Variants in LHX6 observed in about 807,000 individuals in gnomAD.
LHX6 encodes LIM/homeobox protein Lhx6.
In LHX6, 15 loss-of-function variants were observed where a neutral mutation model predicts 47.1. The observed-to-expected ratio is 0.32, with a 90% CI of 0.21 to 0.49. The LOEUF is 0.49. Ranked by LOEUF, LHX6 falls within the 20% of genes least tolerant of loss-of-function variation. The probability of loss-of-function intolerance (pLI) is 0.99; values close to 1 mark genes in which losing one functional copy is unlikely to be tolerated. For missense variants in LHX6, 404 were observed against 539.6 expected, an observed-to-expected ratio of 0.75 and a Z score of 2.49; for synonymous variants, 242 against 233.5, an observed-to-expected ratio of 1.04 and a Z score of -0.33.
In LHX6 at chr9:122,226,534, G is replaced by C. The variant is rs780236857; in HGVS notation, c.340-37C>G. On this transcript the variant is annotated intron_variant, in intron 3 of 9. Coordinates refer to ENST00000394319, the MANE Select transcript of LHX6 (RefSeq NM_014368.5). This position sits in a 1 kb window ranked among gnomAD's most constrained non-coding sequence, Gnocchi z 6.5. ...GCGGGGACGGAGGTCGGCTCAGCGC[G>C]GGCCTCTTTCACTCCGGGCCCCAGC... is the stretch of plus-strand genomic sequence containing the variant. The C allele has an allele frequency of 3.1e-6, 5 of 1,600,368 alleles. No individual in the cohort carries two copies. In the South Asian group the frequency reaches 3.4e-5, roughly 11 times the overall value.
intron 9 of LHX6, among the ~76,000 whole-genome samples, chr9:122,207,198 T>C (rs772973554): frequency 6.6e-6 from 1 of 152,306 alleles, no homozygotes; most frequent in South Asian, 2.1e-4. Context: ...CATGCTCACA[T>C]TGTGATTCTG....
chr9:122,223,243 C>T (rs1433689186), intron 4 of LHX6, among the ~76,000 whole-genome samples: 1 of 152,208 alleles, frequency 6.6e-6, no homozygotes, highest in Non-Finnish European at 1.5e-5. Context: ...CAATTCTACC[C>T]TCAACCCAGG....
intron 9 of LHX6, among the ~76,000 whole-genome samples, chr9:122,205,453 C>T (rs1417387930): frequency 6.6e-6 from 1 of 152,224 alleles, no homozygotes; most frequent in Non-Finnish European, 1.5e-5. Flanking sequence ...CCTCCCACTC[C>T]CACCTCTAGC....
Position 122,217,398 on chromosome 9 carries a change from C to G in LHX6, c.462-110G>C. On this transcript the variant is annotated intron_variant, in intron 4 of 9. Transcript: ENST00000394319. This position sits in a 1 kb window ranked among gnomAD's most constrained non-coding sequence, Gnocchi z 4.9. The stretch of plus-strand genomic sequence containing the variant: ...CCCAGGCTCCTGGCCTCTAAGTCTT[C>G]AACTCAGGCATTAGCCTTAGCTTGG... The G allele has an allele frequency of 1.3e-6, 1 of 798,682 alleles. No individual in the cohort carries two copies. The highest frequency in any genetic ancestry group is 2.0e-6 in the Non-Finnish European group (1 of 501,742). The allele number at this position is 798,682 out of a possible 1,614,324, so 49.5% of individuals were successfully genotyped here. A position where few individuals can be genotyped will look rare whatever the true frequency, so the allele number is the denominator to read the frequency against.
chr9:122,219,264 C>A (rs1830723866), intron 4 of LHX6, among the ~76,000 whole-genome samples: 1 of 152,234 alleles, frequency 6.6e-6, no homozygotes, highest in Non-Finnish European at 1.5e-5. Flanking sequence ...CAACGAGGAG[C>A]GCGACAGGAC....
rs1281890355 is a variant in LHX6 at position 122,226,333 on chromosome 9, G to A, written c.461+43C>T. On this transcript the variant is annotated intron_variant, in intron 4 of 9. Transcript: ENST00000394319. This position sits in a 1 kb window ranked among gnomAD's most constrained non-coding sequence, Gnocchi z 6.5. ...AAAGTGGCCTCCGAATGCGCCCGGGGCCTGCCCTCGGCGACACTGCTGGCT... is the reference window on the plus strand; with the variant it reads ...AAAGTGGCCTCCGAATGCGCCCGGGACCTGCCCTCGGCGACACTGCTGGCT... The A allele has an allele frequency of 8.8e-6, 14 of 1,586,994 alleles. No homozygotes were observed. The highest frequency in any genetic ancestry group is 2.3e-5 in the East Asian group (1 of 44,284).
chr9:122,206,721 C>T (rs754896796), intron 9 of LHX6, among the ~76,000 whole-genome samples: 1 of 152,162 alleles, frequency 6.6e-6, no homozygotes, highest in Non-Finnish European at 1.5e-5. Context: ...TGAGCCCAGC[C>T]CTCTGTACCT....
intron 2 of LHX6, 136 bp from the exon 3 acceptor site, chr9:122,227,166 A>G (rs758505784): frequency 3.2e-5 from 28 of 884,016 alleles, no homozygotes; most frequent in Admixed American, 9.5e-5. Context: ...AGACTGAAGG[A>G]CAGGGATGGA....
At chr9:122,227,763 G>C in intron 1 of LHX6, 1 of 489,966 alleles carries the variant, frequency 2.0e-6, no homozygotes, top group Admixed American at 4.1e-5. Context: ...AGCCTCTGAG[G>C]GGGGAAGAAA....
intron 4 of LHX6, among the ~76,000 whole-genome samples, chr9:122,224,217 G>T (rs531665053): frequency 6.6e-6 from 1 of 152,126 alleles, no homozygotes; most frequent in East Asian, 1.9e-4. Context: ...TAGTAGAGAT[G>T]GGTTTCACCA....
intron 4 of LHX6, among the ~76,000 whole-genome samples, chr9:122,224,974 C>G (rs762400691): frequency 6.6e-6 from 1 of 152,180 alleles, no homozygotes; most frequent in Non-Finnish European, 1.5e-5. Context: ...CTTCTACATC[C>G]ATCCCATAAA....
At chr9:122,228,493 C>T in intron 1 of LHX6, 164 bp downstream of exon 1, 2 of 1,338,002 alleles carry the variant, frequency 1.5e-6, no homozygotes, top group Non-Finnish European at 1.9e-6. Context: ...GCGACCCCCC[C>T]CCCCCGCTCG....
rs1474458901 is a variant in LHX6, at chr9:122,213,618, C to G, written c.1042G>C (p.Gly348Arg). 3 of 1,599,642 alleles carry G rather than the reference C, an allele frequency of 1.9e-6. No homozygotes were observed. Among genetic ancestry groups the G allele is most frequent in the East Asian group, 2.2e-5 (1 of 44,662 alleles). ...PERARMVTLH[G>R]YIESQVQCGQ... ...TGCGGTTACTTACTCTCAATGTAGC[C>G]GTGCAGGGTGACCATGCGCGCCCGC... The change falls in exon 8 of 10, where the codon GGC becomes CGC. Residue 348 changes from glycine to arginine, a missense_variant. Around this residue, in one of 7 missense-constraint regions of LHX6, gnomAD observed 127 missense variants for 116.1 expected, o/e 1.09. Transcript: ENST00000394319. This position sits in a 1 kb window ranked among gnomAD's most constrained non-coding sequence, Gnocchi z 5.5.
chr9:122,211,679 A>G (rs1830402692), intron 8 of LHX6, among the ~76,000 whole-genome samples: 1 of 152,226 alleles, frequency 6.6e-6, no homozygotes, highest in South Asian at 2.1e-4. Flanking sequence ...TTCCACCACA[A>G]GGGTAAGAGG....
Position 122,204,647 on chromosome 9 carries a change from C to T in LHX6, c.*113G>A, listed in dbSNP as rs996536800. On this transcript the variant is annotated 3_prime_UTR_variant, in exon 10 of 10. Transcript: ENST00000394319. ...ACCTGGTGGTGGGCAGGATGGCGGA[C>T]GGGGGTGGATGCGGAGGTGGGTGGA... 36 of 1,309,338 alleles carry T rather than the reference C, an allele frequency of 2.7e-5. No individual in the cohort carries two copies. The highest frequency in any genetic ancestry group is 4.4e-5 in the African/African-American group (3 of 67,940). The allele number at this position is 1,309,338 out of a possible 1,614,324, so 81.1% of individuals were successfully genotyped here.
intron 9 of LHX6, among the ~76,000 whole-genome samples, chr9:122,206,199 T>C (rs770986078): frequency 1.3e-5 from 2 of 152,108 alleles, no homozygotes; most frequent in Non-Finnish European, 2.9e-5. Flanking sequence ...CAAATGACGA[T>C]GCGGTGGAGG....
chr9:122,225,296 GC>G (rs1457857955), intron 4 of LHX6, among the ~76,000 whole-genome samples: 1 of 152,242 alleles, frequency 6.6e-6, no homozygotes, highest in Non-Finnish European at 1.5e-5. Context: ...TTGGGAACAA[GC>G]ATCCCTCTCA....
At position 122,203,805 on chromosome 9, in the gene LHX6, T is replaced by G. The variant is rs938504288; in HGVS notation, c.*955A>C. The G allele has an allele frequency of 6.6e-6, 1 of 152,628 alleles. No homozygotes were observed. The highest frequency in any genetic ancestry group is 1.5e-5 in the Non-Finnish European group (1 of 68,104). The allele number at this position is 152,628 out of a possible 1,614,324, so 9.5% of individuals were successfully genotyped here. The stretch of plus-strand genomic sequence containing the variant: ...TCACTGGGCTCTGTTCCCTCTCCCC[T>G]ATAAGGGATTCCCCTTCCATTGAGA... On this transcript the variant is annotated 3_prime_UTR_variant, in exon 10 of 10. Coordinates refer to ENST00000394319, the MANE Select transcript of LHX6 (RefSeq NM_014368.5).
rs891530064 is a variant in LHX6, at chr9:122,204,621, G to C, written c.*139C>G. On this transcript the variant is annotated 3_prime_UTR_variant, in exon 10 of 10. Transcript: ENST00000394319. ...AGGGAAAGGCCAGGCCTCGGGAACC[G>C]ACCTGGTGGTGGGCAGGATGGCGGA... is the stretch of plus-strand genomic sequence containing the variant. The C allele has an allele frequency of 9.6e-7, 1 of 1,039,660 alleles. No homozygotes were observed. The highest frequency in any genetic ancestry group is 1.7e-5 in the South Asian group (1 of 58,540). 64.4% of individuals were successfully genotyped at this position (1,039,660 alleles called of 1,614,324 possible).
Sources: allele counts gnomAD v4.1 joint callset (sites outside exome capture counted in the v4.1 genomes callset), GRCh38; gene constraint gnomAD v4.1.1; regional missense constraint gnomAD v4.1.1; non-coding constraint Gnocchi (gnomAD v3.1); transcripts MANE v1.5; gene names NCBI Gene and HGNC (gene_info 2026-07-23, HGNC 2026-07-21).